Variants in PPP4R1 observed in about 807,000 individuals in gnomAD.
PPP4R1 encodes protein phosphatase 4 regulatory subunit 1, also known as serine/threonine-protein phosphatase 4 regulatory subunit 1.
Under a neutral mutation model 111.2 loss-of-function variants are expected in PPP4R1, and 42 were observed. The observed-to-expected ratio is 0.38, with a 90% CI of 0.29 to 0.49. The LOEUF (loss-of-function observed/expected upper bound fraction) is 0.49, where lower values mean the gene tolerates loss of function less well. Ranked by LOEUF, PPP4R1 falls within the 20% of genes least tolerant of loss-of-function variation. The probability of loss-of-function intolerance (pLI) is 0.97; values close to 1 mark genes in which losing one functional copy is unlikely to be tolerated. For missense variants in PPP4R1, 1,012 were observed against 1,161.6 expected (o/e 0.87, Z 1.87); for synonymous variants, 409 against 405.5 (o/e 1.01, Z -0.10).
Position 9,583,146 on chromosome 18 carries a change from T to TA in PPP4R1, c.888dup (p.Ile297TyrfsTer2), listed in dbSNP as rs1213716260. On this transcript the variant is annotated frameshift_variant, in exon 9 of 20. Transcript: ENST00000400556. LOFTEE classifies it high-confidence loss of function. ...CGTGAAGGATCACTGATCAAATTAA[T>TA]AAAAAGTGCTGATAATTTGGTCCGT... 6.2e-7 allele frequency: 1 copy of TA among 1,611,164 alleles called. No individual in the cohort carries two copies. The highest frequency in any genetic ancestry group is 8.5e-7 in the Non-Finnish European group (1 of 1,178,094).
Position 9,547,932 on chromosome 18 carries a change from T to C in PPP4R1, c.2710A>G (p.Ser904Gly), listed in dbSNP as rs780626264. Residue 904 changes from serine to glycine, a missense_variant, in exon 20 of 20, where the codon AGC (serine) becomes GGC (glycine). Around this residue, in one of 2 missense-constraint regions of PPP4R1, gnomAD observed 305 missense variants for 419.5 expected, o/e 0.73. Transcript: ENST00000400556. The stretch of plus-strand genomic sequence containing the variant: ...TGCTCCACAGCCTCCTGGTGGCAGC[T>C]GGCAGAGGCCAAGAAATAGTCTGGA... The part of the protein sequence containing the change: ...LEKDYFLASA[S>G]CHQEAVEQTI... 1.1e-5 allele frequency: 18 copies of C among 1,614,006 alleles called. No individual in the cohort carries two copies. The highest frequency in any genetic ancestry group is 1.4e-5 in the Non-Finnish European group (17 of 1,180,030).
intron 2 of PPP4R1, among the ~76,000 whole-genome samples, chr18:9,595,832 AAAAGGTAATTATTTC>A (rs760012713): frequency 6.6e-6 from 1 of 152,184 alleles, no homozygotes; most frequent in Non-Finnish European, 1.5e-5. Flanking sequence ...AAAACTAACC[AAAAGGTAATTATTTC>A]AAAGGAACCA....
chr18:9,597,586 CCAA>C (rs1209003436), intron 2 of PPP4R1, among the ~76,000 whole-genome samples: 24 of 152,068 alleles, frequency 1.6e-4, no homozygotes, highest in Non-Finnish European at 2.6e-4. Flanking sequence ...GTTTATGTCT[CCAA>C]CAACAAAAAT....
chr18:9,593,635 G>T (rs2067246442), intron 4 of PPP4R1, 133 bp downstream of exon 4: 2 of 765,898 alleles, frequency 2.6e-6, no homozygotes, highest in East Asian at 2.8e-5. Context: ...GTCACTGATG[G>T]GTTTGATAAT....
intron 13 of PPP4R1, 45 bp downstream of exon 13, chr18:9,561,935 A>G (rs763813616): frequency 6.7e-7 from 1 of 1,485,812 alleles, no homozygotes; most frequent in South Asian, 1.1e-5. Context: ...CTAAAAGAGG[A>G]ATTAGGAACA....
At chr18:9,575,467 T>A (rs1300880254) in intron 10 of PPP4R1, among the ~76,000 whole-genome samples, 1 of 152,156 alleles carries the variant, frequency 6.6e-6, no homozygotes, top group Non-Finnish European at 1.5e-5. Context: ...ATATTTAACA[T>A]AACTCCTTCC....
chr18:9,550,533 G>T, intron 16 of PPP4R1, 135 bp from the exon 17 acceptor site: 10 of 974,492 alleles, frequency 1.0e-5, no homozygotes, highest in Non-Finnish European at 1.5e-5. Context: ...GAGTGATTAA[G>T]CAGACCTCTC....
chr18:9,569,689 T>C (rs572452203), intron 11 of PPP4R1, among the ~76,000 whole-genome samples: 2 of 152,306 alleles, frequency 1.3e-5, no homozygotes, highest in African/African-American at 4.8e-5. Context: ...TAGAAATACA[T>C]GATAATGATG....
chr18:9,574,652 G>C (rs185030859), intron 10 of PPP4R1, among the ~76,000 whole-genome samples: 23 of 152,324 alleles, frequency 1.5e-4, no homozygotes, highest in African/African-American at 5.3e-4. Flanking sequence ...GGAGGAGCTG[G>C]ACGCCACACT....
chr18:9,568,761 C>T (rs558090424), intron 11 of PPP4R1, among the ~76,000 whole-genome samples: 25 of 152,214 alleles, frequency 1.6e-4, no homozygotes, highest in African/African-American at 4.6e-4. Flanking sequence ...ATAAGCTGAG[C>T]GCAGTGGTTC....
intron 10 of PPP4R1, among the ~76,000 whole-genome samples, chr18:9,574,424 T>A (rs1456828655): frequency 6.6e-6 from 1 of 152,240 alleles, no homozygotes; most frequent in African/African-American, 2.4e-5. Flanking sequence ...ACCTTCCAAG[T>A]ACTGTGAATT....
chr18:9,550,175 C>T lies in PPP4R1; in HGVS notation c.2424G>A (p.Met808Ile), dbSNP rs1361288479. 2 of 1,614,068 alleles carry T rather than the reference C, an allele frequency of 1.2e-6. No individual in the cohort carries two copies. The highest frequency in any genetic ancestry group is 1.7e-6 in the Non-Finnish European group (2 of 1,180,048). ...RWISYKLVSEMVKKLHAATPP... is the reference protein window; with the variant it reads ...RWISYKLVSEIVKKLHAATPP... ...GTGTTGCCGCGTGCAGCTTCTTCAC[C>T]ATCTCGCTGACCTGGGAGGGTGAGC... The change falls in exon 18 of 20, where the codon ATG (methionine) becomes ATA (isoleucine). Residue 808 changes from methionine to isoleucine, a missense_variant. Met to Ile is a conservative substitution (Grantham distance 10). This residue lies in a region of PPP4R1 where 305 missense variants were observed against 419.5 expected (regional missense o/e 0.73). Coordinates refer to ENST00000400556, the MANE Select transcript of PPP4R1 (RefSeq NM_001042388.3).
At chr18:9,580,974 T>C (rs1448652675) in intron 9 of PPP4R1, among the ~76,000 whole-genome samples, 1 of 152,172 alleles carries the variant, frequency 6.6e-6, no homozygotes, top group Non-Finnish European at 1.5e-5. Context: ...GCCCCTGTCA[T>C]ACCAGGGTGG....
Position 9,563,368 on chromosome 18 carries a change from A to C in PPP4R1, c.1746+10T>G. 1 of 1,600,078 alleles carries C rather than the reference A, an allele frequency of 6.2e-7. No individual in the cohort carries two copies. Among genetic ancestry groups the C allele is most frequent in the Non-Finnish European group, 8.5e-7 (1 of 1,172,218 alleles). Reference sequence around the variant, plus strand: ...CTCTCATTTGGTAAACACTTTACTGAGTTTGTTACCTCAACAGCATCGCTG... The same window carrying C: ...CTCTCATTTGGTAAACACTTTACTGCGTTTGTTACCTCAACAGCATCGCTG... On this transcript the variant is annotated intron_variant, in intron 12 of 19. Transcript: ENST00000400556.
intron 6 of PPP4R1, 105 bp from the exon 7 acceptor site, chr18:9,584,933 T>C: frequency 5.5e-6 from 5 of 916,804 alleles, no homozygotes; most frequent in Non-Finnish European, 8.3e-6. Context: ...AAATATGATA[T>C]GGCATCATTA....
chr18:9,606,247 A>G (rs2067479601), intron 2 of PPP4R1, among the ~76,000 whole-genome samples: 1 of 152,212 alleles, frequency 6.6e-6, no homozygotes. Flanking sequence ...TGGATTTTAT[A>G]GCACAGTGAA....
At chr18:9,595,212 C>A in intron 2 of PPP4R1, 59 bp from the exon 3 acceptor site, 1 of 1,552,964 alleles carries the variant, frequency 6.4e-7, no homozygotes, top group Non-Finnish European at 8.8e-7. Flanking sequence ...GTACCCCTTG[C>A]CTGTCTGAAG....
chr18:9,584,365 G>C (rs2067080695), intron 8 of PPP4R1, 150 bp downstream of exon 8: 1 of 570,976 alleles, frequency 1.8e-6, no homozygotes, highest in South Asian at 4.7e-5. Flanking sequence ...CCAGATTACA[G>C]ATATTTAAAC....
chr18:9,588,294 C>T, intron 5 of PPP4R1, 59 bp from the exon 6 acceptor site: 1 of 1,524,434 alleles, frequency 6.6e-7, no homozygotes, highest in Non-Finnish European at 8.9e-7. Flanking sequence ...AATTCTATCA[C>T]TTGATTTTTA....
Sources: allele counts gnomAD v4.1 joint callset (sites outside exome capture counted in the v4.1 genomes callset), GRCh38; gene constraint gnomAD v4.1.1; regional missense constraint gnomAD v4.1.1; transcripts MANE v1.5; gene names NCBI Gene and HGNC (gene_info 2026-07-23, HGNC 2026-07-21).